Variants in SLC4A1AP observed in about 807,000 individuals in gnomAD.
SLC4A1AP encodes the protein solute carrier family 4 member 1 adaptor protein.
In SLC4A1AP, 64 loss-of-function variants were observed where a neutral mutation model predicts 89.7. That is an observed-to-expected ratio of 0.71 (90% CI 0.58 to 0.88). The LOEUF is 0.88. Among genes scored for constraint, SLC4A1AP ranks in the 40% least tolerant of loss-of-function variants. The pLI is 0.00. For synonymous variants in SLC4A1AP, 366 were observed against 353.3 expected (o/e 1.04, Z -0.40); for missense variants, 931 against 965.0 (o/e 0.96, Z 0.47).
intron 12 of SLC4A1AP, chr2:27,691,505 C>A (rs1185452560): frequency 1.3e-5 from 2 of 149,742 alleles, no homozygotes; most frequent in African/African-American, 2.5e-5. Flanking sequence ...TTTCATTGAT[C>A]TTTTGCAGTT....
chr2:27,682,818 G>C (rs2148137905), intron 9 of SLC4A1AP, among the ~76,000 whole-genome samples: 1 of 152,256 alleles, frequency 6.6e-6, no homozygotes, highest in East Asian at 1.9e-4. Context: ...CATTGTGCCT[G>C]GCCAGTTTGT....
chr2:27,671,299 C>G (rs1572990186), intron 5 of SLC4A1AP, among the ~76,000 whole-genome samples: 1 of 152,194 alleles, frequency 6.6e-6, no homozygotes, highest in Admixed American at 6.5e-5. Flanking sequence ...CCTGTCGACT[C>G]TGCTAAATTA....
At chr2:27,685,010 T>G (rs1243111647) in intron 9 of SLC4A1AP, 27 bp from the exon 10 acceptor site, 3 of 1,565,932 alleles carry the variant, frequency 1.9e-6, no homozygotes, top group Non-Finnish European at 1.7e-6. Context: ...GTAGAACTAC[T>G]TGTTCATGGT....
At chr2:27,673,437 TCCCTCC>T (rs1675462926) in intron 5 of SLC4A1AP, among the ~76,000 whole-genome samples, 367 of 71,760 alleles carry the variant, frequency 5.1e-3, no homozygotes, top group Non-Finnish European at 8.2e-3. Context: ...CCTCCCTCCC[TCCCTCC>T]CTTCCTTCCT....
chr2:27,664,003 C>T lies in SLC4A1AP; in HGVS notation c.251C>T (p.Ala84Val), dbSNP rs575753798. 19 of 1,614,222 alleles carry T rather than the reference C, an allele frequency of 1.2e-5. No homozygotes were observed. The South Asian group carries it at 1.3e-4, about 11-fold the overall frequency. The change falls in exon 1 of 14, where the codon GCG (alanine) becomes GTG (valine). Residue 84 changes from alanine (A) to valine (V), a missense_variant. Physicochemically the swap from Ala to Val is moderately conservative, Grantham distance 64. Transcript: ENST00000613058. The stretch of plus-strand genomic sequence containing the variant: ...AAGCCAGCTCTGCCGGTGTCCCCAG[C>T]GGCGCGGAGTAAGGCCCCGGCCAGC...
At chr2:27,682,486 G>T in intron 9 of SLC4A1AP, 127 bp downstream of exon 9, 1 of 560,284 alleles carries the variant, frequency 1.8e-6, no homozygotes, top group Non-Finnish European at 3.2e-6. Flanking sequence ...TGTGGGCTTG[G>T]TATGATCACA....
intron 8 of SLC4A1AP, 117 bp downstream of exon 8, chr2:27,678,041 C>A: frequency 1.5e-6 from 1 of 656,002 alleles, no homozygotes. Context: ...TGCAAGGAAC[C>A]CTTTAAAGCA....
At chr2:27,677,310 G>A in exon 7 of SLC4A1AP, 13 of 1,613,208 alleles carry the variant, frequency 8.1e-6, no homozygotes, top group Non-Finnish European at 1.1e-5. Context: ...AAAATTAAAT[G>A]ATGCTGAAAG....
intron 13 of SLC4A1AP, 61 bp from the exon 14 acceptor site, chr2:27,694,573 C>A: frequency 7.8e-7 from 1 of 1,285,954 alleles, no homozygotes; most frequent in Non-Finnish European, 1.1e-6. Context: ...ATCTGGATAT[C>A]TTTTCTCTCC....
At chr2:27,664,527 G>A (rs763379372) in exon 1 of SLC4A1AP, 24 of 1,614,062 alleles carry the variant, frequency 1.5e-5, no homozygotes, top group Admixed American at 3.3e-5. Context: ...TCGAGTCCAC[G>A]TTGGGCATGT....
chr2:27,680,849 AAAAACG>A (rs1370964470), intron 8 of SLC4A1AP, among the ~76,000 whole-genome samples: 1 of 152,020 alleles, frequency 6.6e-6, no homozygotes, highest in African/African-American at 2.4e-5. Context: ...AAAAAAAAAA[AAAAACG>A]AAAACGAAAT....
intron 5 of SLC4A1AP, among the ~76,000 whole-genome samples, chr2:27,671,008 C>G (rs1484077303): frequency 1.4e-5 from 2 of 142,774 alleles, no homozygotes; most frequent in Non-Finnish European, 3.0e-5. Flanking sequence ...ACTGCAACCT[C>G]TGCTTCTCGG....
At chr2:27,693,053 C>G (rs1262378905) in intron 12 of SLC4A1AP, 1 of 152,264 alleles carries the variant, frequency 6.6e-6, no homozygotes, top group East Asian at 1.9e-4. Flanking sequence ...TCTCCTGCCT[C>G]AGCCTCCCGA....
chr2:27,668,351 T>C (rs1187930654), intron 3 of SLC4A1AP, among the ~76,000 whole-genome samples: 1 of 152,054 alleles, frequency 6.6e-6, no homozygotes, highest in African/African-American at 2.4e-5. Flanking sequence ...GGGGTTTCAC[T>C]GTGTTAGCCA....
At chr2:27,666,431 A>G (rs1675325276) in intron 2 of SLC4A1AP, among the ~76,000 whole-genome samples, 1 of 142,178 alleles carries the variant, frequency 7.0e-6, no homozygotes, top group African/African-American at 2.6e-5. Context: ...CGCACTCCAC[A>G]GGGAAGCTTT....
intron 11 of SLC4A1AP, 122 bp downstream of exon 11, chr2:27,688,142 C>T: frequency 1.4e-6 from 1 of 713,736 alleles, no homozygotes; most frequent in Non-Finnish European, 2.3e-6. Context: ...TATGTTGCCA[C>T]TAGGCCCCTG....
In SLC4A1AP at chr2:27,686,312, A is replaced by G. The variant is rs554156184; in HGVS notation, c.2116+1035A>G. On this transcript the variant is annotated intron_variant, in intron 10 of 13. Transcript: ENST00000613058. The stretch of plus-strand genomic sequence containing the variant: ...TTGTCCTTTTCAAAAAGGTACTTAC[A>G]TGAGCTTGGTCTTTGGGCCATATAT... Among the ~76,000 whole-genome samples the G allele has an allele frequency of 2.9e-4, 44 of 152,346 alleles. No homozygotes were observed. The South Asian group carries it at 8.5e-3, about 29-fold the overall frequency.
In SLC4A1AP at chr2:27,668,895, C is replaced by A. The variant is rs772160594; in HGVS notation, c.1197C>A (p.Cys399Ter). ...AACAGGGACATAGCACTTGGCTCTG[C>A]AGGGTGAGGTATGCTCTTTTCTTAT... The change falls in exon 4 of 14, where the codon TGC (cysteine) becomes TGA (stop). Residue 399 changes from cysteine (C) to a stop codon, truncating the protein, a stop_gained. Transcript: ENST00000613058. LOFTEE classifies it high-confidence loss of function. The A allele has an allele frequency of 6.2e-7, 1 of 1,613,836 alleles. No homozygotes were observed. The highest frequency in any genetic ancestry group is 1.1e-5 in the South Asian group (1 of 91,070).
intron 12 of SLC4A1AP, among the ~76,000 whole-genome samples, chr2:27,691,374 TG>T (rs1675783911): frequency 6.6e-6 from 1 of 152,144 alleles, no homozygotes; most frequent in African/African-American, 2.4e-5. Flanking sequence ...TGTATTTCTG[TG>T]GTGTTGCTTG....
Sources: allele counts gnomAD v4.1 joint callset (sites outside exome capture counted in the v4.1 genomes callset), GRCh38; gene constraint gnomAD v4.1.1; transcripts MANE v1.5; gene names NCBI Gene and HGNC (gene_info 2026-07-23, HGNC 2026-07-21).